FMN1: variants seen among roughly 807,000 people sequenced by gnomAD.
The protein encoded by FMN1 is formin-1.
In FMN1, 110 loss-of-function variants were observed where a neutral mutation model predicts 132.4. That is an observed-to-expected ratio of 0.83 (90% CI 0.71 to 0.97). The LOEUF is 0.97. FMN1 is among the 50% of genes least tolerant of loss of function. The pLI, the probability that FMN1 is intolerant of heterozygous loss-of-function variation, is 0.00. For missense variants in FMN1, 1,792 were observed against 1,705.3 expected (o/e 1.05, Z -0.90); for synonymous variants, 722 against 651.7 (o/e 1.11, Z -1.64).
At chr15:33,095,565 T>C (rs1464899720) in intron 4 of FMN1, among the ~76,000 whole-genome samples, 2 of 152,040 alleles carry the variant, frequency 1.3e-5, no homozygotes, top group Non-Finnish European at 2.9e-5. Flanking sequence ...AGGCTAGTTT[T>C]TAATTTTTTT....
At chr15:33,155,517 A>G (rs1335854996) in intron 3 of FMN1, among the ~76,000 whole-genome samples, 1 of 152,228 alleles carries the variant, frequency 6.6e-6, no homozygotes, top group Non-Finnish European at 1.5e-5. Flanking sequence ...AACCACCTTC[A>G]AGATCTGAGC....
intron 10 of FMN1, among the ~76,000 whole-genome samples, chr15:32,918,708 G>A (rs184044969): frequency 1.3e-5 from 2 of 152,174 alleles, no homozygotes; most frequent in African/African-American, 2.4e-5. Flanking sequence ...AGTGGAATGA[G>A]AAACAGTTTG....
At chr15:33,084,027 C>G (rs184465050) in intron 5 of FMN1, among the ~76,000 whole-genome samples, 5 of 152,260 alleles carry the variant, frequency 3.3e-5, no homozygotes, top group African/African-American at 1.2e-4. Flanking sequence ...AGGGGAGGGA[C>G]CCTCAATTCC....
intron 4 of FMN1, chr15:33,149,744 T>C (rs1964370054): frequency 1.0e-6 from 1 of 974,390 alleles, no homozygotes; most frequent in South Asian, 4.8e-5. Context: ...CTTTCTGTAG[T>C]AACCTTAAAT....
chr15:32,835,488 G>A (rs1353245133), intron 17 of FMN1, among the ~76,000 whole-genome samples: 2 of 152,212 alleles, frequency 1.3e-5, no homozygotes, highest in Non-Finnish European at 2.9e-5. Flanking sequence ...AACCAAAGAT[G>A]CTTGGAGATG....
intron 17 of FMN1, among the ~76,000 whole-genome samples, chr15:32,839,888 C>G (rs774560670): frequency 6.6e-6 from 1 of 152,046 alleles, no homozygotes; most frequent in South Asian, 2.1e-4. Flanking sequence ...TTATCCAGAA[C>G]TAACTACAGG....
chr15:33,190,788 A>G (rs1335744865), intron 2 of FMN1, among the ~76,000 whole-genome samples: 1 of 152,152 alleles, frequency 6.6e-6, no homozygotes, highest in Non-Finnish European at 1.5e-5. Context: ...CCACTTTTAC[A>G]GCCTTGTCTA....
At chr15:33,068,595 G>C (rs919413365) in intron 5 of FMN1, among the ~76,000 whole-genome samples, 2 of 151,582 alleles carry the variant, frequency 1.3e-5, no homozygotes, top group African/African-American at 4.8e-5. Flanking sequence ...AAAGTGCCTA[G>C]AACTCTCAAA....
chr15:32,839,502 G>A (rs1051325369), intron 17 of FMN1, among the ~76,000 whole-genome samples: 1 of 152,078 alleles, frequency 6.6e-6, no homozygotes, highest in Admixed American at 6.5e-5. Flanking sequence ...TTCCACAGCA[G>A]GGCACTTTAC....
Position 32,893,457 on chromosome 15 carries a change from G to C in FMN1, c.3715-5165C>G, listed in dbSNP as rs571923175. Reference sequence around the variant, plus strand: ...GCTGGTAGCAGCTCTTATGAAAGCTGCTTAATTAGAGTTAAAAAGGCATGA... The same window carrying C: ...GCTGGTAGCAGCTCTTATGAAAGCTCCTTAATTAGAGTTAAAAAGGCATGA... On this transcript the variant is annotated intron_variant, in intron 15 of 20. Coordinates refer to ENST00000616417, the MANE Select transcript of FMN1 (RefSeq NM_001277313.2). Among the ~76,000 whole-genome samples, 17 of 152,352 alleles carry C rather than the reference G, an allele frequency of 1.1e-4. No individual in the cohort carries two copies. The South Asian group carries it at 3.5e-3, about 32-fold the overall frequency.
chr15:32,953,119 C>T (rs912454708), intron 9 of FMN1, among the ~76,000 whole-genome samples: 4 of 152,148 alleles, frequency 2.6e-5, no homozygotes, highest in African/African-American at 9.7e-5. Flanking sequence ...GAGTCCAATC[C>T]CTTTTGTCAT....
rs543817051 is a variant in FMN1, at chr15:32,807,883, A to G, written c.3929-3551T>C. 7.7e-4 allele frequency among the ~76,000 whole-genome samples: 117 copies of G among 152,342 alleles called. 1 individual carries two copies. In the South Asian group the frequency reaches 0.021, roughly 28 times the overall value. ...ACAGATACAAAAGGCATCTACCTTT[A>G]TGGTGTGACTTGGAAGCTCTAACAG... is the stretch of plus-strand genomic sequence containing the variant. On this transcript the variant is annotated intron_variant, in intron 17 of 20. Transcript: ENST00000616417.
intron 4 of FMN1, among the ~76,000 whole-genome samples, chr15:33,093,804 T>C (rs1339046089): frequency 1.3e-5 from 2 of 152,214 alleles, no homozygotes; most frequent in Non-Finnish European, 2.9e-5. Context: ...AGTCTGAACA[T>C]TGATGAGGAA....
In FMN1 at chr15:32,981,225, C is replaced by T. The variant is rs1274379081; in HGVS notation, c.2224-11748G>A. Among the ~76,000 whole-genome samples, 3 of 151,948 alleles carry T rather than the reference C, an allele frequency of 2.0e-5. No individual in the cohort carries two copies. In the East Asian group the frequency reaches 5.8e-4, roughly 29 times the overall value. On this transcript the variant is annotated intron_variant, in intron 7 of 20. Coordinates refer to ENST00000616417, the MANE Select transcript of FMN1 (RefSeq NM_001277313.2). Reference sequence around the variant, plus strand: ...ATTAAATTCTGACTGGGTGCGGTGGCTCACGCCTGTAATCCCAGCACTTTG... The same window carrying T: ...ATTAAATTCTGACTGGGTGCGGTGGTTCACGCCTGTAATCCCAGCACTTTG...
intron 16 of FMN1, among the ~76,000 whole-genome samples, chr15:32,863,402 C>T (rs1361532634): frequency 6.6e-6 from 1 of 152,014 alleles, no homozygotes; most frequent in African/African-American, 2.4e-5. Context: ...CCACTGCACT[C>T]CAGCCTGGGC....
intron 17 of FMN1, among the ~76,000 whole-genome samples, chr15:32,807,280 C>G (rs532956511): frequency 6.6e-6 from 1 of 152,282 alleles, no homozygotes; most frequent in South Asian, 2.1e-4. Context: ...TTCATAAGTG[C>G]ATCATTTTAG....
At chr15:32,965,087 C>A (rs2031069923) in intron 8 of FMN1, among the ~76,000 whole-genome samples, 1 of 152,088 alleles carries the variant, frequency 6.6e-6, no homozygotes, top group East Asian at 1.9e-4. Context: ...ACTTTCTTAT[C>A]TTAATTTCAA....
chr15:33,006,576 A>T (rs753320998), intron 7 of FMN1, among the ~76,000 whole-genome samples: 33 of 152,206 alleles, frequency 2.2e-4, no homozygotes, highest in Admixed American at 3.3e-4. Flanking sequence ...TGTTGAAGAG[A>T]TATCTACACT....
intron 8 of FMN1, among the ~76,000 whole-genome samples, chr15:32,966,554 GATTT>G (rs1370794538): frequency 6.6e-6 from 1 of 151,990 alleles, no homozygotes; most frequent in Non-Finnish European, 1.5e-5. Flanking sequence ...GTTAGATGAG[GATTT>G]ATTTTTCCTT....
Sources: gnomAD v4.1 joint callset for allele counts (sites outside exome capture counted in the v4.1 genomes callset) on GRCh38, gnomAD v4.1.1 for gene constraint, MANE v1.5 for transcripts, NCBI Gene and HGNC (gene_info 2026-07-23, HGNC 2026-07-21) for gene names.